SCAPER: variants seen among roughly 807,000 people sequenced by gnomAD.
SCAPER encodes S phase cyclin A-associated protein in the endoplasmic reticulum.
In SCAPER, 98 loss-of-function variants were observed where a neutral mutation model predicts 182.2. The ratio of observed to expected loss-of-function variants is 0.54; its 90% CI spans 0.46 to 0.64. SCAPER has a LOEUF of 0.64. Ranked by LOEUF, SCAPER falls within the 30% of genes least tolerant of loss-of-function variation. SCAPER has a pLI of 0.00. For synonymous variants in SCAPER, 605 were observed against 564.6 expected, an observed-to-expected ratio of 1.07 and a Z score of -1.01; for missense variants, 1,432 against 1,690.0, an observed-to-expected ratio of 0.85 and a Z score of 2.68.
chr15:76,480,727 C>T (rs979373436), intron 24 of SCAPER, among the ~76,000 whole-genome samples: 2 of 152,060 alleles, frequency 1.3e-5, no homozygotes, highest in Non-Finnish European at 2.9e-5. Flanking sequence ...CCACATTCTC[C>T]ACTATTCTAC....
intron 20 of SCAPER, among the ~76,000 whole-genome samples, chr15:76,693,628 C>T (rs566224174): frequency 1.3e-5 from 2 of 152,058 alleles, no homozygotes; most frequent in South Asian, 2.1e-4. Context: ...ATAGTATACA[C>T]AATTGAATAT....
rs766225760 is a variant in SCAPER at position 76,424,564 on chromosome 15, CTT to C, written c.3311+9512_3311+9513del. 2.6e-5 allele frequency among the ~76,000 whole-genome samples: 4 copies of C among 152,208 alleles called. No homozygotes were observed. The East Asian group carries it at 5.8e-4, about 22-fold the overall frequency. On this transcript the variant is annotated intron_variant, in intron 26 of 31. Transcript: ENST00000563290. ...TACAGCACATTGATGGGTCTTGACT[CTT>C]ATCCAATTTGCCAGTCTGTGTCTTT...
rs181789129 is a variant in SCAPER at position 76,712,131 on chromosome 15, G to C, written c.2166-6147C>G. ...ATTTTTGTATAAGGTGTAAGGAAGG[G>C]ATCCAGTTTCAGCTTTCTACATATG... On this transcript the variant is annotated intron_variant, in intron 17 of 31. Coordinates refer to ENST00000563290, the MANE Select transcript of SCAPER (RefSeq NM_020843.4). Among the ~76,000 whole-genome samples the C allele has an allele frequency of 2.7e-3, 413 of 152,234 alleles. 1 individual carries two copies. The highest frequency in any genetic ancestry group is 6.8e-3 in the Middle Eastern group (2 of 294).
At chr15:76,428,331 T>C (rs1009618115) in intron 26 of SCAPER, among the ~76,000 whole-genome samples, 1 of 152,150 alleles carries the variant, frequency 6.6e-6, no homozygotes, top group Non-Finnish European at 1.5e-5. Context: ...CTATTCAAAA[T>C]AGCCAAGATA....
intron 18 of SCAPER, among the ~76,000 whole-genome samples, chr15:76,703,411 A>G (rs1446761356): frequency 6.6e-6 from 1 of 152,182 alleles, no homozygotes; most frequent in Non-Finnish European, 1.5e-5. Flanking sequence ...ACTTCCTGGA[A>G]CCCACCATGG....
chr15:76,748,294 T>A (rs2061915048), intron 15 of SCAPER, among the ~76,000 whole-genome samples: 1 of 152,034 alleles, frequency 6.6e-6, no homozygotes, highest in Admixed American at 6.6e-5. Flanking sequence ...CTGGCCGAAA[T>A]ATGGATATTC....
chr15:76,485,872 G>T (rs1486064431), intron 24 of SCAPER, among the ~76,000 whole-genome samples: 1 of 152,116 alleles, frequency 6.6e-6, no homozygotes, highest in African/African-American at 2.4e-5. Context: ...TACACCACAT[G>T]CAAAAATTAA....
intron 21 of SCAPER, among the ~76,000 whole-genome samples, chr15:76,660,576 T>C (rs928774376): frequency 4.6e-5 from 7 of 151,932 alleles, no homozygotes; most frequent in African/African-American, 1.5e-4. Flanking sequence ...AAACTAAGAA[T>C]AGAAGAAAGC....
chr15:76,405,526 A>C (rs2044764992), intron 26 of SCAPER, among the ~76,000 whole-genome samples: 1 of 152,240 alleles, frequency 6.6e-6, no homozygotes, highest in African/African-American at 2.4e-5. Flanking sequence ...GAAAAGTACC[A>C]GTCCTGAGGG....
chr15:76,495,274 G>A (rs576865380), intron 24 of SCAPER, among the ~76,000 whole-genome samples: 1 of 152,184 alleles, frequency 6.6e-6, no homozygotes, highest in East Asian at 1.9e-4. Context: ...TGGTGAGGGA[G>A]AGAGGAATAA....
chr15:76,547,373 T>C (rs2045381917), intron 23 of SCAPER, among the ~76,000 whole-genome samples: 2 of 152,186 alleles, frequency 1.3e-5, no homozygotes, highest in African/African-American at 2.4e-5. Flanking sequence ...CTTAAAGATT[T>C]GTAGGATACT....
intron 29 of SCAPER, among the ~76,000 whole-genome samples, chr15:76,362,662 C>G (rs1044858848): frequency 6.6e-6 from 1 of 152,200 alleles, no homozygotes; most frequent in East Asian, 1.9e-4. Flanking sequence ...CTACTCACCT[C>G]GGCCTCCCAA....
At chr15:76,663,858 A>G (rs2056379022) in intron 21 of SCAPER, among the ~76,000 whole-genome samples, 1 of 152,192 alleles carries the variant, frequency 6.6e-6, no homozygotes, top group Admixed American at 6.6e-5. Flanking sequence ...TAAATAAATC[A>G]TACATCAATG....
chr15:76,411,594 G>A (rs1038664383), intron 26 of SCAPER, among the ~76,000 whole-genome samples: 5 of 152,102 alleles, frequency 3.3e-5, no homozygotes, highest in African/African-American at 1.2e-4. Context: ...AAATCCATGG[G>A]AAAGTCTTTT....
chr15:76,538,939 C>A (rs2044466326), intron 23 of SCAPER, among the ~76,000 whole-genome samples: 1 of 151,876 alleles, frequency 6.6e-6, no homozygotes, highest in Non-Finnish European at 1.5e-5. Flanking sequence ...AATGGTCCTG[C>A]CTCTAAATGT....
At chr15:76,724,644 T>A (rs1334625517) in intron 17 of SCAPER, among the ~76,000 whole-genome samples, 3 of 152,196 alleles carry the variant, frequency 2.0e-5, no homozygotes, top group Non-Finnish European at 4.4e-5. Context: ...CTTTTTTCTC[T>A]AAACTTCTCT....
At chr15:76,846,028 GA>G (rs377249341) in intron 4 of SCAPER, among the ~76,000 whole-genome samples, 75 of 149,268 alleles carry the variant, frequency 5.0e-4, no homozygotes, top group African/African-American at 1.7e-3. Flanking sequence ...AAAGAGCCCA[GA>G]AAAAAAAAAT....
At chr15:76,871,882 C>T (rs569774814) in intron 2 of SCAPER, among the ~76,000 whole-genome samples, 6 of 152,116 alleles carry the variant, frequency 3.9e-5, no homozygotes, top group Admixed American at 6.5e-5. Context: ...TGAGCCACCA[C>T]GCCTGGCACA....
At chr15:76,369,758 A>G (rs2042025639) in intron 29 of SCAPER, among the ~76,000 whole-genome samples, 1 of 152,266 alleles carries the variant, frequency 6.6e-6, no homozygotes, top group Admixed American at 6.5e-5. Flanking sequence ...AGTTATAGAA[A>G]ACTTCCCAAC....
Sources: gnomAD v4.1 joint callset for allele counts (sites outside exome capture counted in the v4.1 genomes callset) on GRCh38, gnomAD v4.1.1 for gene constraint, MANE v1.5 for transcripts, NCBI Gene and HGNC (gene_info 2026-07-23, HGNC 2026-07-21) for gene names.